Variants in CDH13 observed in about 807,000 individuals in gnomAD.
CDH13 encodes the protein cadherin 13, also known as cadherin-13.
CDH13 carries 24 observed loss-of-function variants against 63.8 expected under a neutral mutation model. That is an observed-to-expected ratio of 0.38 (90% CI 0.27 to 0.53). The LOEUF is 0.53. CDH13 is among the 20% of genes least tolerant of loss of function. CDH13 has a pLI of 0.85. For missense variants in CDH13, 1,049 were observed against 903.1 expected (o/e 1.16, Z -2.07); for synonymous variants, 503 against 355.3 (o/e 1.42, Z -4.67).
chr16:82,817,764 C>G (rs140312224), intron 1 of CDH13, among the ~76,000 whole-genome samples: 1 of 152,196 alleles, frequency 6.6e-6, no homozygotes, highest in Non-Finnish European at 1.5e-5. Context: ...ACAGTCACAC[C>G]ACTGCACTTC....
rs1226383333 is a variant in CDH13, at chr16:82,716,205, C to A, written c.45+89068C>A. 2.0e-5 allele frequency among the ~76,000 whole-genome samples: 3 copies of A among 152,156 alleles called. No homozygotes were observed. The East Asian group carries it at 5.8e-4, about 29-fold the overall frequency. On this transcript the variant is annotated intron_variant, in intron 1 of 13. Coordinates refer to ENST00000567109, the MANE Select transcript of CDH13 (RefSeq NM_001257.5). ...AAAAGACTTCCCTCTTGGGTTCAGG[C>A]ATGTCCTCTGCTTCCTGCCTTTATG... is the stretch of plus-strand genomic sequence containing the variant.
At chr16:82,759,045 CT>C (rs2034730900) in intron 1 of CDH13, among the ~76,000 whole-genome samples, 1 of 152,134 alleles carries the variant, frequency 6.6e-6, no homozygotes, top group South Asian at 2.1e-4. Context: ...GCATTGGGGG[CT>C]TATTAAGCAG....
chr16:83,386,402 A>G (rs1335650992), intron 6 of CDH13, among the ~76,000 whole-genome samples: 2 of 152,174 alleles, frequency 1.3e-5, no homozygotes, highest in African/African-American at 2.4e-5. Context: ...CTTTCTTCCC[A>G]TGGCTCAAGC....
At chr16:83,400,626 C>T (rs1395365408) in intron 6 of CDH13, among the ~76,000 whole-genome samples, 2 of 152,192 alleles carry the variant, frequency 1.3e-5, no homozygotes, top group Non-Finnish European at 2.9e-5. Context: ...TACAAACCAT[C>T]CCATATCTGT....
At chr16:83,406,477 T>C (rs1324084416) in intron 6 of CDH13, among the ~76,000 whole-genome samples, 2 of 151,226 alleles carry the variant, frequency 1.3e-5, no homozygotes, top group African/African-American at 4.9e-5. Flanking sequence ...CTCTCTTTCT[T>C]TCTTTCAGTG....
chr16:83,457,715 C>G (rs1464973437), intron 6 of CDH13, among the ~76,000 whole-genome samples: 1 of 152,014 alleles, frequency 6.6e-6, no homozygotes, highest in Non-Finnish European at 1.5e-5. Context: ...AGCCTTGCAG[C>G]TAAAAGACAG....
intron 3 of CDH13, among the ~76,000 whole-genome samples, chr16:83,095,609 A>G (rs925475641): frequency 3.3e-5 from 5 of 152,170 alleles, no homozygotes; most frequent in Admixed American, 6.5e-5. Flanking sequence ...GGTACAGAAC[A>G]CCTCGCCAAA....
chr16:83,305,903 T>C (rs553867052), intron 5 of CDH13, among the ~76,000 whole-genome samples: 35 of 152,334 alleles, frequency 2.3e-4, no homozygotes, highest in African/African-American at 7.7e-4. Flanking sequence ...ATAGGAATAA[T>C]GACAGTGCCT....
At chr16:83,272,551 T>C (rs896697270) in intron 5 of CDH13, among the ~76,000 whole-genome samples, 1 of 152,204 alleles carries the variant, frequency 6.6e-6, no homozygotes, top group Non-Finnish European at 1.5e-5. Flanking sequence ...TTTATAGATA[T>C]CCAGCGTTGC....
chr16:83,723,940 A>T (rs902361493), intron 10 of CDH13, among the ~76,000 whole-genome samples: 6 of 152,230 alleles, frequency 3.9e-5, no homozygotes, highest in Admixed American at 2.6e-4. Context: ...GGATAGACAC[A>T]TGGATGAGTG....
chr16:83,502,258 A>C, intron 7 of CDH13, among the ~76,000 whole-genome samples: 1 of 152,190 alleles, frequency 6.6e-6, no homozygotes, highest in South Asian at 2.1e-4. Context: ...ATATAATCAC[A>C]GGGTCTTAAT....
chr16:83,324,032 T>C (rs59207276), intron 5 of CDH13, among the ~76,000 whole-genome samples: 13,092 of 144,630 alleles, frequency 0.091, 693 homozygotes, highest in Non-Finnish European at 0.12. Flanking sequence ...GGTTTATTTC[T>C]TCTTCTTCTT....
At chr16:83,066,402 C>T (rs998813275) in intron 3 of CDH13, among the ~76,000 whole-genome samples, 5 of 152,128 alleles carry the variant, frequency 3.3e-5, no homozygotes. Context: ...CAGGAAAAGT[C>T]CTAAACAAAA....
At chr16:82,679,295 G>A (rs1444192420) in intron 1 of CDH13, among the ~76,000 whole-genome samples, 2 of 152,132 alleles carry the variant, frequency 1.3e-5, no homozygotes, top group South Asian at 2.1e-4. Context: ...TGTTGATCAC[G>A]TACCTGGGAA....
At chr16:83,694,852 A>T (rs531527315) in intron 10 of CDH13, among the ~76,000 whole-genome samples, 1 of 152,262 alleles carries the variant, frequency 6.6e-6, no homozygotes, top group South Asian at 2.1e-4. Context: ...CTTTAAGGGG[A>T]TACCGAAAAA....
chr16:83,501,961 T>G (rs1349715689), intron 7 of CDH13, among the ~76,000 whole-genome samples: 1 of 152,192 alleles, frequency 6.6e-6, no homozygotes, highest in Non-Finnish European at 1.5e-5. Context: ...GCTTAGGAAT[T>G]CACAAATGTG....
intron 1 of CDH13, among the ~76,000 whole-genome samples, chr16:82,717,867 G>C (rs540445921): frequency 6.8e-5 from 2 of 29,432 alleles, no homozygotes; most frequent in Admixed American, 2.8e-4. Context: ...ATCAGTTAGT[G>C]GGGGGGAAGT....
At chr16:82,895,218 C>T (rs570846640) in intron 2 of CDH13, among the ~76,000 whole-genome samples, 3 of 152,264 alleles carry the variant, frequency 2.0e-5, no homozygotes, top group Admixed American at 1.3e-4. Context: ...CCTCTACCTC[C>T]AGCCCTTGAC....
chr16:83,161,263 A>G (rs1336061663), intron 4 of CDH13, among the ~76,000 whole-genome samples: 1 of 152,208 alleles, frequency 6.6e-6, no homozygotes, highest in Non-Finnish European at 1.5e-5. Context: ...AAGACAGAGA[A>G]TCATGTCTGT....
Sources: allele counts gnomAD v4.1 joint callset (sites outside exome capture counted in the v4.1 genomes callset), GRCh38; gene constraint gnomAD v4.1.1; transcripts MANE v1.5; gene names NCBI Gene and HGNC (gene_info 2026-07-23, HGNC 2026-07-21).